Variants in BAHCC1 observed in about 807,000 individuals in gnomAD.
BAHCC1 encodes the protein BAH domain and coiled-coil containing 1, also known as BAH and coiled-coil domain-containing protein 1.
BAHCC1 carries 43 observed loss-of-function variants against 88.2 expected under a neutral mutation model. That is an observed-to-expected ratio of 0.49 (90% CI 0.38 to 0.63). The LOEUF (loss-of-function observed/expected upper bound fraction) is 0.63. Among genes scored for constraint, BAHCC1 ranks in the 20% least tolerant of loss-of-function variants. BAHCC1 has a pLI of 0.00. For missense variants in BAHCC1, 3,023 were observed against 1,654.8 expected, an observed-to-expected ratio of 1.83 and a Z score of -14.34; for synonymous variants, 1,510 against 745.5, an observed-to-expected ratio of 2.03 and a Z score of -16.71.
intron 3 of BAHCC1, among the ~76,000 whole-genome samples, chr17:81,430,886 CCCTG>C (rs2064252636): frequency 6.6e-6 from 1 of 152,054 alleles, no homozygotes; most frequent in South Asian, 2.1e-4. Flanking sequence ...GTGGCCCTTG[CCCTG>C]CCTAGACCTG....
intron 2 of BAHCC1, chr17:81,402,238 A>G (rs1212024625): frequency 6.6e-6 from 1 of 152,194 alleles, no homozygotes; most frequent in East Asian, 1.9e-4. Context: ...GAGATGTTCA[A>G]CCCATTTGTG....
rs1167404481 is a variant in BAHCC1, at chr17:81,444,802, C to A, written c.2647C>A (p.Pro883Thr). The change falls in exon 8 of 28, where the codon CCC becomes ACC. Residue 883 changes from proline to threonine, a missense_variant. By Grantham distance (38) the Pro-to-Thr change is conservative. Coordinates refer to ENST00000675386, the MANE Select transcript of BAHCC1 (RefSeq NM_001377448.1). ...GGTCATCCTGCCCTCAGAGCCCACA[C>A]CCCACAGCGCCCCCCACGCACTTGG... ...QLVILPSEPT[P>T]HSAPHALADV... 9.0e-6 allele frequency: 7 copies of A among 777,474 alleles called. No homozygotes were observed. Among genetic ancestry groups the A allele is most frequent in the Admixed American group, 6.8e-5 (4 of 58,692 alleles). The allele number at this position is 777,474 out of a possible 1,614,324, so 48.2% of individuals were successfully genotyped here.
At chr17:81,409,210 T>G (rs1261393199) in intron 2 of BAHCC1, among the ~76,000 whole-genome samples, 2 of 152,186 alleles carry the variant, frequency 1.3e-5, no homozygotes, top group African/African-American at 4.8e-5. Context: ...CTGGCCTTCG[T>G]GTAGCATCTT....
In BAHCC1 at chr17:81,458,442, C is replaced by T. The variant is rs782794645; in HGVS notation, c.5319C>T (p.Gly1773=). ...GCCTCAAGAGGGCCACGCGCAAGGG[C>T]ACAGTGCTGCAGCCAGTGCTGCGGG... The part of the protein sequence containing the change: ...SERLKRATRK[G]TVLQPVLRRK... The change falls in exon 18 of 28, where the codon GGC becomes GGT. Residue 1773 remains glycine (G), a synonymous_variant. Transcript: ENST00000675386. 8 of 731,504 alleles carry T rather than the reference C, an allele frequency of 1.1e-5. No homozygotes were observed. The highest frequency in any genetic ancestry group is 2.9e-5 in the South Asian group (2 of 68,604). The allele number at this position is 731,504 out of a possible 1,614,324, so 45.3% of individuals were successfully genotyped here. A position where few individuals can be genotyped will look rare whatever the true frequency, so the allele number is the denominator to read the frequency against.
rs782480737 is a variant in BAHCC1 at position 81,462,008 on chromosome 17, G to T, written c.7345G>T (p.Ala2449Ser). 1.3e-6 allele frequency: 1 copy of T among 778,066 alleles called. No individual in the cohort carries two copies. Among genetic ancestry groups the T allele is most frequent in the Non-Finnish European group, 2.4e-6 (1 of 417,356 alleles). The allele number at this position is 778,066 out of a possible 1,614,324, so 48.2% of individuals were successfully genotyped here. ...NRPKISAFLP[A>S]RQLWKWSGNP... is the part of the protein sequence containing the mutation. ...GCCAAAGATCTCAGCCTTCCTGCCCGCCCGGCAGCTCTGGAAGTGGTCGGG... is the reference window on the plus strand; with the variant it reads ...GCCAAAGATCTCAGCCTTCCTGCCCTCCCGGCAGCTCTGGAAGTGGTCGGG... The change falls in exon 26 of 28, where the codon GCC (alanine) becomes TCC (serine). Residue 2449 changes from alanine (A) to serine (S), a missense_variant. Coordinates refer to ENST00000675386, the MANE Select transcript of BAHCC1 (RefSeq NM_001377448.1).
chr17:81,400,379 G>T (rs1387915278), intron 2 of BAHCC1, among the ~76,000 whole-genome samples: 1 of 152,174 alleles, frequency 6.6e-6, no homozygotes, highest in Non-Finnish European at 1.5e-5. Context: ...TGGTGTGTGC[G>T]CCGGGCGAGC....
chr17:81,436,752 A>G (rs1363582685), intron 3 of BAHCC1, among the ~76,000 whole-genome samples: 1 of 152,226 alleles, frequency 6.6e-6, no homozygotes, highest in African/African-American at 2.4e-5. Flanking sequence ...GCTGGAGGGC[A>G]GCTGCAGGGC....
rs781933541 is a variant in BAHCC1, at chr17:81,447,856, C to T, written c.3976+8C>T. On this transcript the variant is annotated splice_region_variant and intron_variant, in intron 11 of 27. Coordinates refer to ENST00000675386, the MANE Select transcript of BAHCC1 (RefSeq NM_001377448.1). ...GTGAGAGGACTGTGCCAGGTAAGCC[C>T]GGTGGTTGCCGCCACCCCCCAGAGT... The T allele has an allele frequency of 1.1e-5, 8 of 721,638 alleles. No homozygotes were observed. Among genetic ancestry groups the T allele is most frequent in the South Asian group, 7.4e-5 (5 of 67,946 alleles). 44.7% of individuals were successfully genotyped at this position (721,638 alleles called of 1,614,324 possible).
Position 81,452,815 on chromosome 17 carries a change from CG to C in BAHCC1, c.4413del (p.Pro1472ArgfsTer77). ...AGCTCGCTGCCTGCCCCACGTCCCACGGGGCCGCTCCCCAGGAGCGATGGCA... is the reference window on the plus strand; with the variant it reads ...AGCTCGCTGCCTGCCCCACGTCCCACGGGCCGCTCCCCAGGAGCGATGGCA... ...HSSSLPAPRP[T>X]GPLPRSDGKK... On this transcript the variant is annotated frameshift_variant, in exon 14 of 28. Transcript: ENST00000675386. LOFTEE classifies it high-confidence loss of function. The C allele has an allele frequency of 1.3e-6, 1 of 742,746 alleles. No homozygotes were observed. Among genetic ancestry groups the C allele is most frequent in the South Asian group, 1.4e-5 (1 of 69,748 alleles). The allele number at this position is 742,746 out of a possible 1,614,324, so 46.0% of individuals were successfully genotyped here.
At chr17:81,425,350 T>G (rs62648855) in intron 2 of BAHCC1, among the ~76,000 whole-genome samples, 178 of 67,540 alleles carry the variant, frequency 2.6e-3, no homozygotes, top group Middle Eastern at 0.011. Context: ...ATGTGGTTGG[T>G]GGTGATAGTG....
At chr17:81,415,452 G>A (rs782416994) in intron 2 of BAHCC1, 4 of 471,154 alleles carry the variant, frequency 8.5e-6, no homozygotes, top group African/African-American at 6.0e-5. Context: ...TAACGCGAGC[G>A]CGAGGCCCCA....
At position 81,405,750 on chromosome 17, in the gene BAHCC1, C is replaced by T. The variant is rs533967118; in HGVS notation, c.178+5833C>T. Among the ~76,000 whole-genome samples, 19 of 152,330 alleles carry T rather than the reference C, an allele frequency of 1.2e-4. No homozygotes were observed. The South Asian group carries it at 3.9e-3, about 32-fold the overall frequency. On this transcript the variant is annotated intron_variant, in intron 2 of 27. Transcript: ENST00000675386. ...GCTTCTGGGCCCCCCGGTCTGGCTT[C>T]CTCCCTACCATAAATACCTGAATAT... is the stretch of plus-strand genomic sequence containing the variant.
At chr17:81,436,693 C>T (rs1555651800) in intron 3 of BAHCC1, among the ~76,000 whole-genome samples, 2 of 152,272 alleles carry the variant, frequency 1.3e-5, no homozygotes, top group East Asian at 3.9e-4. Context: ...GCAGCTCCCA[C>T]ACAGACCAGG....
chr17:81,436,435 C>T (rs1301870469), intron 3 of BAHCC1, among the ~76,000 whole-genome samples: 1 of 152,240 alleles, frequency 6.6e-6, no homozygotes, highest in Non-Finnish European at 1.5e-5. Context: ...GGGCTCCGTG[C>T]CTGGGAAACG....
At position 81,399,569 on chromosome 17, in the gene BAHCC1, G is replaced by A; in HGVS notation, c.-171G>A. On this transcript the variant is annotated 5_prime_UTR_variant, in exon 2 of 28. Coordinates refer to ENST00000675386, the MANE Select transcript of BAHCC1 (RefSeq NM_001377448.1). This position sits in a 1 kb window ranked among gnomAD's most constrained non-coding sequence, Gnocchi z 4.5. ...CGCACAGCGGCCGCTGGCTCGGTGC[G>A]CGGCCGCCCGCCGAGAAGCCCAGTC... is the stretch of plus-strand genomic sequence containing the variant. The A allele has an allele frequency of 7.5e-6, 3 of 402,302 alleles. No individual in the cohort carries two copies. The highest frequency in any genetic ancestry group is 1.8e-5 in the South Asian group (1 of 54,664). The allele number at this position is 402,302 out of a possible 1,614,324, so 24.9% of individuals were successfully genotyped here. A position where few individuals can be genotyped will look rare whatever the true frequency, so the allele number is the denominator to read the frequency against.
chr17:81,437,787 G>A (rs1206603917), intron 3 of BAHCC1, among the ~76,000 whole-genome samples: 6 of 152,342 alleles, frequency 3.9e-5, no homozygotes, highest in South Asian at 2.1e-4. Context: ...CTTTGCCCCC[G>A]TCCCTTCCCC....
At chr17:81,431,098 T>C (rs2064256193) in intron 3 of BAHCC1, among the ~76,000 whole-genome samples, 1 of 134,710 alleles carries the variant, frequency 7.4e-6, no homozygotes, top group Non-Finnish European at 1.6e-5. Context: ...AGCGTGGGGG[T>C]GGAGGGGCTC....
In BAHCC1 at chr17:81,461,969, T is replaced by G. The variant is rs781952649; in HGVS notation, c.7306T>G (p.Ser2436Ala). The change falls in exon 26 of 28, where the codon TCC becomes GCC. Residue 2436 changes from serine to alanine, a missense_variant. Transcript: ENST00000675386. ...KELSRRQRPP[S>A]VENRPKISAF... is the part of the protein sequence containing the mutation. ...GCTCTCCCGGAGGCAGCGGCCGCCC[T>G]CCGTGGAAAACCGGCCAAAGATCTC... 2.6e-6 allele frequency: 2 copies of G among 774,646 alleles called. No homozygotes were observed. The highest frequency in any genetic ancestry group is 4.8e-6 in the Non-Finnish European group (2 of 415,992). 48.0% of individuals were successfully genotyped at this position (774,646 alleles called of 1,614,324 possible).
At chr17:81,446,086 C>T (rs62074829) in intron 10 of BAHCC1, among the ~76,000 whole-genome samples, 1 of 151,636 alleles carries the variant, frequency 6.6e-6, no homozygotes, top group African/African-American at 2.4e-5. Context: ...GGCGGGGTGC[C>T]TGGGTGGGGG....
Sources: gnomAD v4.1 joint callset for allele counts (sites outside exome capture counted in the v4.1 genomes callset) on GRCh38, gnomAD v4.1.1 for gene constraint, Gnocchi (gnomAD v3.1) non-coding constraint, MANE v1.5 for transcripts, NCBI Gene and HGNC (gene_info 2026-07-23, HGNC 2026-07-21) for gene names.